The following PLCB1 variants were observed in gnomAD, a reference collection of about 807,000 sequenced individuals.
PLCB1 encodes the protein phospholipase C beta 1.
A neutral mutation model predicts 161.8 loss-of-function variants in PLCB1; 46 were observed. The observed-to-expected ratio is 0.28, with a 90% CI of 0.22 to 0.36. The LOEUF (loss-of-function observed/expected upper bound fraction) is 0.36. Ranked by LOEUF, PLCB1 falls within the 10% of genes least tolerant of loss-of-function variation. The pLI is 1.00. For synonymous variants in PLCB1, 517 were observed against 503.7 expected (o/e 1.03, Z -0.35); for missense variants, 1,016 against 1,472.5 (o/e 0.69, Z 5.07).
chr20:8,146,389 G>C (rs565290874), intron 1 of PLCB1, among the ~76,000 whole-genome samples: 1 of 152,154 alleles, frequency 6.6e-6, no homozygotes, highest in Admixed American at 6.5e-5. Context: ...AATAATAATA[G>C]TGTCTACCTC....
In PLCB1 at chr20:8,856,258, A is replaced by G. The variant is rs1290649508; in HGVS notation, c.3424-25364A>G. 2.0e-5 allele frequency among the ~76,000 whole-genome samples: 3 copies of G among 152,146 alleles called. No homozygotes were observed. In the East Asian group the frequency reaches 5.8e-4, roughly 29 times the overall value. Reference sequence around the variant, plus strand: ...GTTTTAACTTCATAAAAATGGTATCATATGGAGTATCATATTGAAATATGA... The same window carrying G: ...GTTTTAACTTCATAAAAATGGTATCGTATGGAGTATCATATTGAAATATGA... On this transcript the variant is annotated intron_variant, in intron 31 of 31. Coordinates refer to ENST00000338037, the MANE Select transcript of PLCB1 (RefSeq NM_015192.4).
chr20:8,365,844 A>G (rs77136710), intron 2 of PLCB1, among the ~76,000 whole-genome samples: 3,989 of 152,302 alleles, frequency 0.026, 89 homozygotes, highest in Middle Eastern at 0.058. Context: ...TGCTGTTCTG[A>G]TTATATACTG....
chr20:8,594,209 T>C (rs1987248946), intron 3 of PLCB1, among the ~76,000 whole-genome samples: 1 of 152,162 alleles, frequency 6.6e-6, no homozygotes, highest in Non-Finnish European at 1.5e-5. Context: ...CCCAGATCCA[T>C]GTTATTTTAG....
intron 31 of PLCB1, among the ~76,000 whole-genome samples, chr20:8,846,661 A>G (rs1269312532): frequency 1.3e-5 from 2 of 152,208 alleles, no homozygotes; most frequent in Non-Finnish European, 2.9e-5. Flanking sequence ...ATCATGACAG[A>G]AGCTGTTTCC....
intron 9 of PLCB1, among the ~76,000 whole-genome samples, chr20:8,666,593 A>G (rs1989817640): frequency 6.6e-6 from 1 of 152,216 alleles, no homozygotes; most frequent in Non-Finnish European, 1.5e-5. Flanking sequence ...TAGAAGAGGC[A>G]GTTTGCAGAA....
chr20:8,249,439 A>G (rs1364735573), intron 2 of PLCB1: 1 of 151,914 alleles, frequency 6.6e-6, no homozygotes, highest in Non-Finnish European at 1.5e-5. Context: ...TTCTCACATT[A>G]TCCTTGTGTG....
At chr20:8,527,829 A>G (rs1203003999) in intron 3 of PLCB1, among the ~76,000 whole-genome samples, 1 of 152,134 alleles carries the variant, frequency 6.6e-6, no homozygotes, top group Non-Finnish European at 1.5e-5. Context: ...AATTGAAAAA[A>G]TAAACTAGCA....
intron 3 of PLCB1, among the ~76,000 whole-genome samples, chr20:8,601,737 G>A (rs146935812): frequency 2.9e-4 from 44 of 152,252 alleles, no homozygotes; most frequent in Admixed American, 1.1e-3. Flanking sequence ...GAACACCTCT[G>A]AGCAAGTTTT....
intron 31 of PLCB1, among the ~76,000 whole-genome samples, chr20:8,811,570 G>A (rs6056142): frequency 0.028 from 4,260 of 151,610 alleles, 187 homozygotes; most frequent in African/African-American, 0.092. Context: ...TTTTCCCTCT[G>A]ATAAATTAAT....
rs559199421 is a variant in PLCB1, at chr20:8,861,972, A to G, written c.3424-19650A>G. Among the ~76,000 whole-genome samples, 156 of 152,286 alleles carry G rather than the reference A, an allele frequency of 1.0e-3. 2 individuals are homozygous for G. In the South Asian group the frequency reaches 0.019, roughly 18 times the overall value. On this transcript the variant is annotated intron_variant, in intron 31 of 31. Transcript: ENST00000338037. ...ATACATTGGGACAACTGGATATTAG[A>G]TATTTATTTTAATGCAGAAGACTTT... is the stretch of plus-strand genomic sequence containing the variant.
intron 26 of PLCB1, among the ~76,000 whole-genome samples, chr20:8,772,664 G>A (rs1982748542): frequency 6.6e-6 from 1 of 152,200 alleles, no homozygotes; most frequent in African/African-American, 2.4e-5. Context: ...CGGGCGCGGT[G>A]GCTCATGCCT....
intron 3 of PLCB1, among the ~76,000 whole-genome samples, chr20:8,562,619 C>T (rs1453313722): frequency 6.6e-6 from 1 of 152,030 alleles, no homozygotes; most frequent in African/African-American, 2.4e-5. Context: ...GTCTTTCAGC[C>T]AAACAGTACA....
intron 3 of PLCB1, among the ~76,000 whole-genome samples, chr20:8,398,274 CTT>C (rs895026742): frequency 6.6e-6 from 1 of 151,934 alleles, no homozygotes; most frequent in Non-Finnish European, 1.5e-5. Context: ...ACATATATGT[CTT>C]AATAAATATA....
intron 31 of PLCB1, among the ~76,000 whole-genome samples, chr20:8,812,382 G>T (rs939216307): frequency 1.3e-5 from 2 of 152,100 alleles, no homozygotes; most frequent in African/African-American, 4.8e-5. Flanking sequence ...TGCATGTCCT[G>T]GTGATGGGAA....
At chr20:8,423,584 C>T (rs1343104313) in intron 3 of PLCB1, among the ~76,000 whole-genome samples, 4 of 152,234 alleles carry the variant, frequency 2.6e-5, no homozygotes, top group Admixed American at 6.5e-5. Context: ...GAATAAAATT[C>T]GTATTTGTCC....
chr20:8,760,442 A>G lies in PLCB1; in HGVS notation c.2692A>G (p.Ile898Val), dbSNP rs1349361425. 3 of 1,611,198 alleles carry G rather than the reference A, an allele frequency of 1.9e-6. No individual in the cohort carries two copies. In the African/African-American group the frequency reaches 4.0e-5, roughly 22 times the overall value. Residue 898 changes from isoleucine to valine, a missense_variant, in exon 25 of 32, where the codon ATT (isoleucine) becomes GTT (valine). By Grantham distance (29) the Ile-to-Val change is conservative. Around this residue, in one of 10 missense-constraint regions of PLCB1, gnomAD observed 398 missense variants for 445.4 expected, o/e 0.89. Coordinates refer to ENST00000338037, the MANE Select transcript of PLCB1 (RefSeq NM_015192.4). ...VKAPAKTEDL[I>V]QSVLTEVEAQ... Reference sequence around the variant, plus strand: ...GGCACCTGCCAAAACAGAAGATCTTATTCAGAGTGTCTTAACAGGTAAATG... The same window carrying G: ...GGCACCTGCCAAAACAGAAGATCTTGTTCAGAGTGTCTTAACAGGTAAATG...
intron 9 of PLCB1, 85 bp from the exon 10 acceptor site, chr20:8,684,847 T>C (rs1008692972): frequency 4.8e-5 from 49 of 1,011,500 alleles, no homozygotes; most frequent in Non-Finnish European, 6.8e-5. Flanking sequence ...CACTACAAGA[T>C]ATTTCTGGAA....
chr20:8,628,654 G>A lies in PLCB1; in HGVS notation c.384+223G>A, dbSNP rs1380045546. The A allele has an allele frequency of 1.0e-5, 5 of 484,444 alleles. No homozygotes were observed. The Admixed American group carries it at 1.7e-4, about 16-fold the overall frequency. The allele number at this position is 484,444 out of a possible 1,614,324, so 30.0% of individuals were successfully genotyped here. A position where few individuals can be genotyped will look rare whatever the true frequency, so the allele number is the denominator to read the frequency against. ...TTTTTCATAAAGAATAAGCCATTTG[G>A]CCGGGCACGGTGGCTCATGCCTATA... On this transcript the variant is annotated intron_variant, in intron 4 of 31. Coordinates refer to ENST00000338037, the MANE Select transcript of PLCB1 (RefSeq NM_015192.4).
intron 31 of PLCB1, among the ~76,000 whole-genome samples, chr20:8,844,686 G>A (rs1487809280): frequency 6.6e-6 from 1 of 152,174 alleles, no homozygotes; most frequent in Non-Finnish European, 1.5e-5. Flanking sequence ...TGGTGCCAGT[G>A]TCAATAGGTA....
Sources: allele counts gnomAD v4.1 joint callset (sites outside exome capture counted in the v4.1 genomes callset), GRCh38; gene constraint gnomAD v4.1.1; regional missense constraint gnomAD v4.1.1; transcripts MANE v1.5; gene names NCBI Gene and HGNC (gene_info 2026-07-23, HGNC 2026-07-21).